NEBL: variants seen among roughly 807,000 people sequenced by gnomAD.
NEBL encodes LIM and SH3 protein 2.
Under a neutral mutation model 140.2 loss-of-function variants are expected in NEBL, and 122 were observed. The observed-to-expected ratio is 0.87, with a 90% CI of 0.75 to 1.01. The LOEUF (loss-of-function observed/expected upper bound fraction) is 1.01. Among genes scored for constraint, NEBL ranks in the 50% least tolerant of loss-of-function variants. The pLI is 0.00. For missense variants in NEBL, 1,365 were observed against 1,231.3 expected (o/e 1.11, Z -1.62); for synonymous variants, 436 against 398.9 (o/e 1.09, Z -1.11).
intron 2 of NEBL, among the ~76,000 whole-genome samples, chr10:21,137,392 A>G (rs1352228803): frequency 6.6e-6 from 1 of 152,196 alleles, no homozygotes; most frequent in Non-Finnish European, 1.5e-5. Flanking sequence ...AACTGTTCGT[A>G]TAGCCTTGGT....
At chr10:21,083,642 C>T (rs536985734) in intron 2 of NEBL, among the ~76,000 whole-genome samples, 5 of 152,140 alleles carry the variant, frequency 3.3e-5, no homozygotes, top group African/African-American at 1.2e-4. Flanking sequence ...CTCAGGAGTT[C>T]GAGAACAGCC....
At chr10:21,185,487 C>CTTTTTTTTTT (rs10612676) in intron 3 of NEBL, among the ~76,000 whole-genome samples, 4 of 72,050 alleles carry the variant, frequency 5.6e-5, no homozygotes, top group Non-Finnish European at 9.4e-5. Context: ...ATTTTCTTTC[C>CTTTTTTTTTT]TTTTTTTTTT....
At chr10:20,904,011 A>T (rs1276843749) in intron 4 of NEBL, among the ~76,000 whole-genome samples, 1 of 151,096 alleles carries the variant, frequency 6.6e-6, no homozygotes, top group East Asian at 1.9e-4. Flanking sequence ...AAACCATCGA[A>T]ATAAAAATAA....
chr10:20,877,039 A>G lies in NEBL; in HGVS notation c.480+3755T>C, dbSNP rs558745643. Among the ~76,000 whole-genome samples the G allele has an allele frequency of 2.6e-5, 4 of 152,338 alleles. No homozygotes were observed. The East Asian group carries it at 5.8e-4, about 22-fold the overall frequency. On this transcript the variant is annotated intron_variant, in intron 5 of 27. Coordinates refer to ENST00000377122, the MANE Select transcript of NEBL (RefSeq NM_006393.3). ...AAACATTTCTTAACATAAATTTCAC[A>G]TTGATTTGGCCTTTTATAAATTGAA...
chr10:20,936,275 A>G (rs1430282122), intron 4 of NEBL, among the ~76,000 whole-genome samples: 1 of 152,234 alleles, frequency 6.6e-6, no homozygotes, highest in African/African-American at 2.4e-5. Flanking sequence ...GACATAATAA[A>G]GTGAATGAAA....
intron 26 of NEBL, among the ~76,000 whole-genome samples, chr10:20,806,127 T>C (rs1837594474): frequency 6.6e-6 from 1 of 152,126 alleles, no homozygotes; most frequent in South Asian, 2.1e-4. Flanking sequence ...AGAGAAGGAA[T>C]GTGGGCTTAA....
chr10:20,819,650 G>A, intron 19 of NEBL, 134 bp from the exon 20 acceptor site: 1 of 1,108,572 alleles, frequency 9.0e-7, no homozygotes, highest in Non-Finnish European at 1.3e-6. Flanking sequence ...ATTTCATAGT[G>A]AAATATGTAT....
At chr10:20,982,041 T>C (rs138571776) in intron 3 of NEBL, among the ~76,000 whole-genome samples, 15 of 152,346 alleles carry the variant, frequency 9.8e-5, no homozygotes, top group Non-Finnish European at 2.2e-4. Context: ...TCTTCCAGAT[T>C]ACATTTCTCC....
At chr10:21,238,428 G>A (rs780888636) in intron 3 of NEBL, among the ~76,000 whole-genome samples, 7 of 152,060 alleles carry the variant, frequency 4.6e-5, no homozygotes, top group African/African-American at 1.2e-4. Flanking sequence ...GGCCGGGCCC[G>A]GTGGCTCACG....
chr10:21,195,803 A>G (rs1841639229), intron 3 of NEBL, among the ~76,000 whole-genome samples: 2 of 152,238 alleles, frequency 1.3e-5, no homozygotes, highest in Admixed American at 6.5e-5. Flanking sequence ...CAAAGTTACC[A>G]AAATATACTA....
At chr10:20,831,734 T>C (rs1840444561) in intron 14 of NEBL, 151 bp from the exon 15 acceptor site, 4 of 632,928 alleles carry the variant, frequency 6.3e-6, no homozygotes, top group Middle Eastern at 4.3e-4. Context: ...GAGTTTTTAC[T>C]TGTGGTAGGA....
chr10:20,985,213 T>A (rs532541605), intron 3 of NEBL, among the ~76,000 whole-genome samples: 2 of 152,290 alleles, frequency 1.3e-5, no homozygotes, highest in South Asian at 4.1e-4. Context: ...ACAAAATTGG[T>A]CCCTGGTGCC....
At position 20,977,598 on chromosome 10, in the gene NEBL, C is replaced by G. The variant is rs45587543; in HGVS notation, c.250-15819G>C. ...GAGGAGGAGCTGCCCAGATGAAAGGCTAATTCCACCAAATCCAATTGGTAC... is the reference window on the plus strand; with the variant it reads ...GAGGAGGAGCTGCCCAGATGAAAGGGTAATTCCACCAAATCCAATTGGTAC... On this transcript the variant is annotated intron_variant, in intron 3 of 6. Coordinates refer to the NEBL transcript ENST00000417816. Among the ~76,000 whole-genome samples the G allele has an allele frequency of 9.1e-3, 1,387 of 152,200 alleles. 8 individuals are homozygous for G. The highest frequency in any genetic ancestry group is 0.016 in the Non-Finnish European group (1,055 of 68,010).
At chr10:21,002,032 G>A (rs562426339) in intron 3 of NEBL, among the ~76,000 whole-genome samples, 3 of 152,224 alleles carry the variant, frequency 2.0e-5, no homozygotes, top group African/African-American at 7.2e-5. Context: ...AGTTAGTTGG[G>A]TTTTTCTACA....
intron 3 of NEBL, among the ~76,000 whole-genome samples, chr10:20,976,330 T>C (rs1004708383): frequency 2.7e-5 from 4 of 145,654 alleles, no homozygotes; most frequent in African/African-American, 1.0e-4. Context: ...CGACTGAGAC[T>C]CTATATTAAA....
chr10:21,015,279 C>A, intron 3 of NEBL, among the ~76,000 whole-genome samples: 1 of 152,208 alleles, frequency 6.6e-6, no homozygotes, highest in Non-Finnish European at 1.5e-5. Context: ...CGCTCCCCTG[C>A]TTCAATCACG....
At chr10:21,219,648 T>A (rs1294663403) in intron 3 of NEBL, among the ~76,000 whole-genome samples, 2 of 152,188 alleles carry the variant, frequency 1.3e-5, no homozygotes, top group Non-Finnish European at 2.9e-5. Context: ...TTGATAGAGA[T>A]TGCATTGAAT....
intron 2 of NEBL, among the ~76,000 whole-genome samples, chr10:21,082,067 C>T (rs866992191): frequency 2.0e-5 from 3 of 152,110 alleles, no homozygotes; most frequent in East Asian, 3.9e-4. Context: ...GCACCCCTTT[C>T]ATGAAATCCC....
intron 3 of NEBL, among the ~76,000 whole-genome samples, chr10:21,007,550 T>C (rs1838182078): frequency 6.6e-6 from 1 of 152,214 alleles, no homozygotes; most frequent in Non-Finnish European, 1.5e-5. Flanking sequence ...TTTCATTTCA[T>C]ACATTATCAC....
Sources: allele counts gnomAD v4.1 joint callset (sites outside exome capture counted in the v4.1 genomes callset), GRCh38; gene constraint gnomAD v4.1.1; transcripts MANE v1.5; gene names NCBI Gene and HGNC (gene_info 2026-07-23, HGNC 2026-07-21).